Variants in CA8 observed in about 807,000 individuals in gnomAD.
CA8 encodes carbonic anhydrase 8 (inactive).
A neutral mutation model predicts 41.4 loss-of-function variants in CA8; 22 were observed. That is an observed-to-expected ratio of 0.53 (90% CI 0.38 to 0.76). The LOEUF (loss-of-function observed/expected upper bound fraction) is 0.76, where lower values mean the gene tolerates loss of function less well. CA8 is among the 30% of genes least tolerant of loss of function. The pLI is 0.00. For missense variants in CA8, 270 were observed against 352.8 expected, an observed-to-expected ratio of 0.77 and a Z score of 1.88; for synonymous variants, 121 against 130.6, an observed-to-expected ratio of 0.93 and a Z score of 0.50.
chr8:60,279,902 T>C, intron 1 of CA8, 22 bp from the exon 2 acceptor site: 1 of 1,575,452 alleles, frequency 6.3e-7, no homozygotes, highest in Non-Finnish European at 8.6e-7. Context: ...ATGAAATAAA[T>C]TAAAAACAGG....
At chr8:60,211,844 AAGTGCATACTGAATC>A (rs1806846410) in intron 7 of CA8, among the ~76,000 whole-genome samples, 4 of 152,250 alleles carry the variant, frequency 2.6e-5, no homozygotes, top group Admixed American at 1.3e-4. Context: ...AAATGGTTTC[AAGTGCATACTGAATC>A]AGCCACACTG....
At chr8:60,253,025 T>C (rs1335765398) in intron 3 of CA8, among the ~76,000 whole-genome samples, 1 of 149,916 alleles carries the variant, frequency 6.7e-6, no homozygotes, top group Non-Finnish European at 1.5e-5. Flanking sequence ...AGGTCAGGAG[T>C]TCAAGACCAG....
At chr8:60,190,494 G>C (rs1806089112) in intron 8 of CA8, among the ~76,000 whole-genome samples, 1 of 136,528 alleles carries the variant, frequency 7.3e-6, no homozygotes, top group Non-Finnish European at 1.6e-5. Flanking sequence ...GTACTTGTTT[G>C]AGATAACAAA....
At chr8:60,215,783 A>G (rs1261550720) in intron 7 of CA8, among the ~76,000 whole-genome samples, 2 of 152,126 alleles carry the variant, frequency 1.3e-5, no homozygotes, top group African/African-American at 4.8e-5. Flanking sequence ...TGGGCTTAAC[A>G]GTCCACACTA....
intron 3 of CA8, among the ~76,000 whole-genome samples, chr8:60,250,369 C>T (rs1345194126): frequency 1.3e-5 from 2 of 152,134 alleles, no homozygotes; most frequent in Admixed American, 1.3e-4. Context: ...AAATAGTCCC[C>T]GTTTCTGACA....
intron 7 of CA8, among the ~76,000 whole-genome samples, chr8:60,219,261 C>A (rs1335659863): frequency 1.3e-5 from 2 of 151,836 alleles, no homozygotes; most frequent in African/African-American, 4.8e-5. Context: ...CGGGTTCAAG[C>A]AATTCTCCTG....
intron 4 of CA8, among the ~76,000 whole-genome samples, chr8:60,228,187 A>C (rs1807507559): frequency 6.6e-6 from 1 of 152,258 alleles, no homozygotes; most frequent in Non-Finnish European, 1.5e-5. Context: ...TCAGCTCTAA[A>C]CAATCAAGAC....
intron 1 of CA8, among the ~76,000 whole-genome samples, chr8:60,280,661 G>A (rs1483583461): frequency 1.3e-5 from 2 of 152,206 alleles, no homozygotes; most frequent in Admixed American, 1.3e-4. Context: ...AGCCAAAAAC[G>A]AATTCTTCAC....
chr8:60,189,357 G>C lies in CA8; in HGVS notation c.*664C>G, dbSNP rs1204980129. 1 of 151,986 alleles carries C rather than the reference G, an allele frequency of 6.6e-6. No homozygotes were observed. Among genetic ancestry groups the C allele is most frequent in the Non-Finnish European group, 1.5e-5 (1 of 67,984 alleles). 9.4% of individuals were successfully genotyped at this position (151,986 alleles called of 1,614,324 possible). A position where few individuals can be genotyped will look rare whatever the true frequency, so the allele number is the denominator to read the frequency against. ...TCGAATATGTCAAATAAATAAATTTGATCCATACATTCAGTTAAATCCTTC... is the reference window on the plus strand; with the variant it reads ...TCGAATATGTCAAATAAATAAATTTCATCCATACATTCAGTTAAATCCTTC... On this transcript the variant is annotated 3_prime_UTR_variant, in exon 9 of 9. Coordinates refer to ENST00000317995, the MANE Select transcript of CA8 (RefSeq NM_004056.6).
intron 8 of CA8, among the ~76,000 whole-genome samples, chr8:60,195,919 A>C (rs1806268039): frequency 6.6e-6 from 1 of 152,154 alleles, no homozygotes. Context: ...GAAGAGTCAA[A>C]AGAGAAGAGG....
chr8:60,278,003 G>A (rs994912941), intron 2 of CA8, among the ~76,000 whole-genome samples: 2 of 152,164 alleles, frequency 1.3e-5, no homozygotes, highest in African/African-American at 4.8e-5. Flanking sequence ...GGGCAGGGGT[G>A]GAAGAAGGAG....
chr8:60,192,348 T>C (rs1344488213), intron 8 of CA8, among the ~76,000 whole-genome samples: 1 of 152,110 alleles, frequency 6.6e-6, no homozygotes, highest in East Asian at 1.9e-4. Context: ...ATCTACTTCT[T>C]AGGGAATGTG....
intron 3 of CA8, among the ~76,000 whole-genome samples, chr8:60,233,304 G>T (rs1807722146): frequency 6.6e-6 from 1 of 152,132 alleles, no homozygotes; most frequent in Non-Finnish European, 1.5e-5. Flanking sequence ...ATTTATTTTA[G>T]CATTTATATT....
intron 7 of CA8, among the ~76,000 whole-genome samples, chr8:60,210,469 T>G (rs190529340): frequency 8.5e-5 from 13 of 152,324 alleles, no homozygotes; most frequent in African/African-American, 2.9e-4. Flanking sequence ...AATTTTTACA[T>G]GTGCATTTTC....
intron 7 of CA8, among the ~76,000 whole-genome samples, chr8:60,213,975 G>GT (rs2130439298): frequency 6.6e-6 from 1 of 152,230 alleles, no homozygotes; most frequent in South Asian, 2.1e-4. Context: ...CAGAATAAAA[G>GT]TTTAAGTTGT....
At chr8:60,198,744 A>G (rs561213487) in intron 8 of CA8, among the ~76,000 whole-genome samples, 2 of 152,272 alleles carry the variant, frequency 1.3e-5, no homozygotes, top group South Asian at 4.1e-4. Flanking sequence ...ATAATGAGAG[A>G]AGGTTTGTAT....
intron 3 of CA8, among the ~76,000 whole-genome samples, chr8:60,239,148 G>A (rs890390830): frequency 6.6e-5 from 10 of 152,168 alleles, no homozygotes; most frequent in Non-Finnish European, 1.0e-4. Context: ...CTGTCATCCA[G>A]GCTGCAGTGC....
At chr8:60,214,725 A>T (rs1806956249) in intron 7 of CA8, among the ~76,000 whole-genome samples, 1 of 152,200 alleles carries the variant, frequency 6.6e-6, no homozygotes, top group Non-Finnish European at 1.5e-5. Flanking sequence ...GGCTGTCAGG[A>T]TGTAAAGAGT....
intron 3 of CA8, among the ~76,000 whole-genome samples, chr8:60,242,117 C>T (rs975184994): frequency 6.6e-6 from 1 of 151,986 alleles, no homozygotes; most frequent in Non-Finnish European, 1.5e-5. Flanking sequence ...TGTAAATAAA[C>T]AAAAATAAGA....
Sources: gnomAD v4.1 joint callset for allele counts (sites outside exome capture counted in the v4.1 genomes callset) on GRCh38, gnomAD v4.1.1 for gene constraint, MANE v1.5 for transcripts, NCBI Gene and HGNC (gene_info 2026-07-23, HGNC 2026-07-21) for gene names.